Variants in ADAMTS5 observed in about 807,000 individuals in gnomAD.
ADAMTS5 encodes ADAM metallopeptidase with thrombospondin type 1 motif 5, also known as A disintegrin and metalloproteinase with thrombospondin motifs 5.
In ADAMTS5, 54 loss-of-function variants were observed where a neutral mutation model predicts 81.4. The ratio of observed to expected loss-of-function variants is 0.66; its 90% CI spans 0.53 to 0.83. ADAMTS5 has a LOEUF of 0.83. Ranked by LOEUF, ADAMTS5 falls within the 40% of genes least tolerant of loss-of-function variation. The pLI is 0.00. For missense variants in ADAMTS5, 1,194 were observed against 1,229.9 expected (o/e 0.97, Z 0.44); for synonymous variants, 532 against 508.8 (o/e 1.05, Z -0.61).
intron 1 of ADAMTS5, among the ~76,000 whole-genome samples, chr21:26,960,191 C>T (rs1987502481): frequency 6.6e-6 from 1 of 152,178 alleles, no homozygotes; most frequent in South Asian, 2.1e-4. Flanking sequence ...AATGCCACTG[C>T]TTTAGTTTAG....
In ADAMTS5 at chr21:26,966,427, G is replaced by A. The variant is rs949887112; in HGVS notation, c.-36C>T. On this transcript the variant is annotated 5_prime_UTR_variant, in exon 1 of 8. Coordinates refer to ENST00000284987, the MANE Select transcript of ADAMTS5 (RefSeq NM_007038.5). ...CCGCGGGGAGGGGCTGCGCGACTGG[G>A]ACTTTATGGGTATTTGTTATTTGCT... 5 of 1,411,798 alleles carry A rather than the reference G, an allele frequency of 3.5e-6. No individual in the cohort carries two copies. The African/African-American group carries it at 7.6e-5, about 21-fold the overall frequency. 87.5% of individuals were successfully genotyped at this position (1,411,798 alleles called of 1,614,324 possible). A position where few individuals can be genotyped will look rare whatever the true frequency, so the allele number is the denominator to read the frequency against.
At chr21:26,937,693 G>A (rs1238309887) in intron 3 of ADAMTS5, among the ~76,000 whole-genome samples, 2 of 152,116 alleles carry the variant, frequency 1.3e-5, no homozygotes, top group East Asian at 3.9e-4. Context: ...TACAGTTTGG[G>A]GAAGGAGTAA....
Position 26,966,413 on chromosome 21 carries a change from G to A in ADAMTS5, c.-22C>T. The A allele has an allele frequency of 2.8e-6, 4 of 1,421,494 alleles. No individual in the cohort carries two copies. Among genetic ancestry groups the A allele is most frequent in the Non-Finnish European group, 3.6e-6 (4 of 1,100,584 alleles). 88.1% of individuals were successfully genotyped at this position (1,421,494 alleles called of 1,614,324 possible). The stretch of plus-strand genomic sequence containing the variant: ...GCATAGTGCGCTGCCCGCGGGGAGG[G>A]GCTGCGCGACTGGGACTTTATGGGT... On this transcript the variant is annotated 5_prime_UTR_variant, in exon 1 of 8. Coordinates refer to ENST00000284987, the MANE Select transcript of ADAMTS5 (RefSeq NM_007038.5).
intron 2 of ADAMTS5, among the ~76,000 whole-genome samples, chr21:26,943,992 T>C (rs932576249): frequency 6.6e-6 from 1 of 152,188 alleles, no homozygotes; most frequent in Non-Finnish European, 1.5e-5. Context: ...TTGAACTTAG[T>C]GCTGTGCAAG....
Position 26,932,848 on chromosome 21 carries a change from G to T in ADAMTS5, c.1873+13C>A. On this transcript the variant is annotated intron_variant, in intron 5 of 7. Coordinates refer to ENST00000284987, the MANE Select transcript of ADAMTS5 (RefSeq NM_007038.5). Reference sequence around the variant, plus strand: ...TAGCATATGATGGTTGCTGACACTTGGGAGCAGCGTACCATTGGGTGGGCA... The same window carrying T: ...TAGCATATGATGGTTGCTGACACTTTGGAGCAGCGTACCATTGGGTGGGCA... The T allele has an allele frequency of 6.3e-7, 1 of 1,594,532 alleles. No individual in the cohort carries two copies. Among genetic ancestry groups the T allele is most frequent in the Non-Finnish European group, 8.5e-7 (1 of 1,172,590 alleles).
Position 26,929,919 on chromosome 21 carries a change from C to G in ADAMTS5, c.2192G>C (p.Cys731Ser). ...ATTAAAGGTTCCAACAATCTTTGTA[C>G]AGCTGGAGTTGTCTCCTCCACATAC... ...CGVCGGDNSS[C>S]TKIVGTFNKK... is the part of the protein sequence containing the mutation. Residue 731 changes from cysteine (C) to serine (S), a missense_variant, in exon 7 of 8, where the codon TGT (cysteine) becomes TCT (serine). Transcript: ENST00000284987. 2 of 1,614,068 alleles carry G rather than the reference C, an allele frequency of 1.2e-6. No homozygotes were observed. Among genetic ancestry groups the G allele is most frequent in the Non-Finnish European group, 1.7e-6 (2 of 1,179,950 alleles).
intron 2 of ADAMTS5, among the ~76,000 whole-genome samples, chr21:26,952,440 C>T (rs1455970412): frequency 3.3e-5 from 5 of 152,334 alleles, no homozygotes; most frequent in African/African-American, 9.6e-5. Context: ...AGCCTTGTAA[C>T]CCAAGATTGC....
chr21:26,965,625 C>A lies in ADAMTS5; in HGVS notation c.767G>T (p.Trp256Leu). ...GGAGATGGAGCGGCGCCGCCGCCGC[C>A]ACCACGTCTGCGGTCCTGAGCCCCC... ...PAGGSGPQTW[W>L]RRRRRSISRA... The change falls in exon 1 of 8, where the codon TGG becomes TTG. Residue 256 changes from tryptophan to leucine, a missense_variant. Transcript: ENST00000284987. 6.3e-7 allele frequency: 1 copy of A among 1,597,442 alleles called. No homozygotes were observed. Among genetic ancestry groups the A allele is most frequent in the East Asian group, 2.3e-5 (1 of 44,290 alleles).
In ADAMTS5 at chr21:26,966,323, G is replaced by A; in HGVS notation, c.69C>T (p.Ala23=). ...FRLPLAAVGP[A]ATPAQDKAGQ... ...CGGCTTTATCCTGGGCAGGTGTCGC[G>A]GCGGGGCCGACCGCGGCCAGGGGCA... The change falls in exon 1 of 8, where the codon GCC becomes GCT. Residue 23 remains alanine, a synonymous_variant. Transcript: ENST00000284987. The A allele has an allele frequency of 3.3e-6, 5 of 1,511,812 alleles. No individual in the cohort carries two copies. Among genetic ancestry groups the A allele is most frequent in the Non-Finnish European group, 3.5e-6 (4 of 1,138,326 alleles). 93.6% of individuals were successfully genotyped at this position (1,511,812 alleles called of 1,614,324 possible). A position where few individuals can be genotyped will look rare whatever the true frequency, so the allele number is the denominator to read the frequency against.
chr21:26,947,021 C>T (rs150565853), intron 2 of ADAMTS5, among the ~76,000 whole-genome samples: 542 of 152,234 alleles, frequency 3.6e-3, no homozygotes, highest in Middle Eastern at 0.017. Context: ...AGGTGGGTTT[C>T]GAGGTAACTA....
At chr21:26,935,572 T>C (rs1986998658) in intron 3 of ADAMTS5, among the ~76,000 whole-genome samples, 1 of 152,212 alleles carries the variant, frequency 6.6e-6, no homozygotes, top group Admixed American at 6.5e-5. Context: ...GGAATTGGTG[T>C]TTGTTGAGTA....
intron 7 of ADAMTS5, among the ~76,000 whole-genome samples, chr21:26,925,856 C>T (rs1231122520): frequency 1.3e-5 from 2 of 152,184 alleles, no homozygotes; most frequent in Non-Finnish European, 2.9e-5. Context: ...GTAAAGCTTC[C>T]TACAGTGTTG....
chr21:26,931,966 G>T, intron 6 of ADAMTS5, 38 bp downstream of exon 6: 1 of 1,550,664 alleles, frequency 6.4e-7, no homozygotes. Flanking sequence ...ATTTCCACCA[G>T]TACGCCTACT....
At chr21:26,949,935 C>T (rs1447309731) in intron 2 of ADAMTS5, among the ~76,000 whole-genome samples, 1 of 152,140 alleles carries the variant, frequency 6.6e-6, no homozygotes, top group Non-Finnish European at 1.5e-5. Context: ...TGCAGCTTTT[C>T]AAAATATGGC....
At chr21:26,951,679 C>CAAAAAAAAAAA (rs58060427) in intron 2 of ADAMTS5, among the ~76,000 whole-genome samples, 3 of 46,628 alleles carry the variant, frequency 6.4e-5, no homozygotes, top group East Asian at 8.9e-4. Flanking sequence ...CCCTCCATCT[C>CAAAAAAAAAAA]AAAAAAAAAA....
chr21:26,962,771 A>AT (rs1987553286), intron 1 of ADAMTS5, among the ~76,000 whole-genome samples: 1 of 152,184 alleles, frequency 6.6e-6, no homozygotes. Flanking sequence ...TTTCTCATTG[A>AT]AAAGGAAATA....
At chr21:26,957,757 T>A (rs1023580615) in intron 1 of ADAMTS5, among the ~76,000 whole-genome samples, 2 of 152,168 alleles carry the variant, frequency 1.3e-5, no homozygotes, top group African/African-American at 4.8e-5. Flanking sequence ...TGGTATGGTG[T>A]TGGCCAGGAT....
chr21:26,944,713 G>A (rs1382002179), intron 2 of ADAMTS5, among the ~76,000 whole-genome samples: 3 of 152,006 alleles, frequency 2.0e-5, no homozygotes, highest in Admixed American at 6.6e-5. Context: ...AATGCCAAAC[G>A]CAGAAAACTT....
intron 6 of ADAMTS5, among the ~76,000 whole-genome samples, chr21:26,931,138 C>A (rs1291961480): frequency 6.6e-6 from 1 of 152,044 alleles, no homozygotes; most frequent in African/African-American, 2.4e-5. Flanking sequence ...TCTCTGCCTC[C>A]CGAGTTCAAA....
Sources: allele counts gnomAD v4.1 joint callset (sites outside exome capture counted in the v4.1 genomes callset), GRCh38; gene constraint gnomAD v4.1.1; transcripts MANE v1.5; gene names NCBI Gene and HGNC (gene_info 2026-07-23, HGNC 2026-07-21).